VIPR2: variants seen among roughly 807,000 people sequenced by gnomAD.
The protein encoded by VIPR2 is vasoactive intestinal peptide receptor 2.
VIPR2 carries 48 observed loss-of-function variants against 58.0 expected under a neutral mutation model. The observed-to-expected ratio is 0.83, with a 90% CI of 0.66 to 1.05. The LOEUF is 1.05. Among genes scored for constraint, VIPR2 ranks in the 50% least tolerant of loss-of-function variants. VIPR2 has a pLI of 0.00. For synonymous variants in VIPR2, 243 were observed against 235.2 expected (o/e 1.03, Z -0.30); for missense variants, 534 against 558.0 (o/e 0.96, Z 0.43).
rs182036082 is a variant in VIPR2, at chr7:159,092,529, G to A, written c.357+11228C>T. Reference sequence around the variant, plus strand: ...TTCCCATTTTAAACTGAAGAGTCTTGACTCATTCCAAATTGTACAGCCTCT... The same window carrying A: ...TTCCCATTTTAAACTGAAGAGTCTTAACTCATTCCAAATTGTACAGCCTCT... On this transcript the variant is annotated intron_variant, in intron 4 of 12. Transcript: ENST00000262178. 7.2e-5 allele frequency among the ~76,000 whole-genome samples: 11 copies of A among 152,162 alleles called. No individual in the cohort carries two copies. In the East Asian group the frequency reaches 1.9e-3, roughly 27 times the overall value.
At chr7:159,051,966 A>C (rs1855035782) in intron 5 of VIPR2, among the ~76,000 whole-genome samples, 2 of 152,234 alleles carry the variant, frequency 1.3e-5, no homozygotes, top group Admixed American at 6.5e-5. Context: ...CAGTTAAAAC[A>C]ATCAGTAAAG....
chr7:159,144,826 C>A lies in VIPR2; in HGVS notation c.-55G>T. On this transcript the variant is annotated 5_prime_UTR_variant, in exon 1 of 13. An upstream open reading frame in the 5' UTR gains an earlier in-frame stop. Coordinates refer to ENST00000262178, the MANE Select transcript of VIPR2 (RefSeq NM_003382.5). ...GCGCCCGCCGCCTCCGTCCTAGGTC[C>A]CCGCGGTTCCGCCGCCTCCAGCATG... 2.4e-6 allele frequency: 3 copies of A among 1,229,098 alleles called. No individual in the cohort carries two copies. The highest frequency in any genetic ancestry group is 3.0e-6 in the Non-Finnish European group (3 of 985,686). 76.1% of individuals were successfully genotyped at this position (1,229,098 alleles called of 1,614,324 possible).
At chr7:159,030,899 T>C in intron 12 of VIPR2, 110 bp from the exon 13 acceptor site, 2 of 1,340,836 alleles carry the variant, frequency 1.5e-6, no homozygotes, top group Non-Finnish European at 2.0e-6. Context: ...TGCTCCCGTA[T>C]CTGTGTTGCC....
At chr7:159,050,354 C>CAAAAAAAAAA (rs11302236) in intron 5 of VIPR2, among the ~76,000 whole-genome samples, 4 of 139,154 alleles carry the variant, frequency 2.9e-5, no homozygotes, top group African/African-American at 5.4e-5. Context: ...CACAAAAAAA[C>CAAAAAAAAAA]AAAAAAAAAA....
In VIPR2 at chr7:159,141,049, G is replaced by T. The variant is rs538020406; in HGVS notation, c.151+1397C>A. On this transcript the variant is annotated intron_variant, in intron 2 of 12. Transcript: ENST00000262178. ...AAGCTGGACAATTTGGAACTTGGAG[G>T]TGAGGAGGGCAACCCTAAAAGCCTG... is the stretch of plus-strand genomic sequence containing the variant. Among the ~76,000 whole-genome samples the T allele has an allele frequency of 1.1e-4, 17 of 152,272 alleles. No individual in the cohort carries two copies. In the South Asian group the frequency reaches 3.5e-3, roughly 32 times the overall value.
chr7:159,114,198 C>T (rs1403929071), intron 2 of VIPR2, among the ~76,000 whole-genome samples: 2 of 151,520 alleles, frequency 1.3e-5, no homozygotes, highest in Non-Finnish European at 2.9e-5. Flanking sequence ...CACAGTGAAC[C>T]CTTTGGGAGA....
intron 2 of VIPR2, among the ~76,000 whole-genome samples, chr7:159,115,894 G>A (rs897908239): frequency 2.0e-5 from 3 of 152,356 alleles, no homozygotes; most frequent in Non-Finnish European, 4.4e-5. Context: ...CTGGGGCCAC[G>A]TGCTTCCTTT....
intron 1 of VIPR2, among the ~76,000 whole-genome samples, chr7:159,144,027 G>A (rs571970378): frequency 1.3e-5 from 2 of 152,334 alleles, no homozygotes; most frequent in Admixed American, 1.3e-4. Context: ...ACCTGCCTCG[G>A]CTGCGACGCG....
chr7:159,036,636 G>T, intron 7 of VIPR2, 116 bp downstream of exon 7: 1 of 1,298,320 alleles, frequency 7.7e-7, no homozygotes, highest in South Asian at 1.5e-5. Flanking sequence ...TTCATGATAT[G>T]ACCCTGACAT....
intron 4 of VIPR2, among the ~76,000 whole-genome samples, chr7:159,062,711 A>C (rs1238944148): frequency 6.6e-6 from 1 of 152,084 alleles, no homozygotes; most frequent in Non-Finnish European, 1.5e-5. Context: ...AGGGCAAAAG[A>C]ACACGACTGC....
At chr7:159,120,201 G>GA (rs1796404813) in intron 2 of VIPR2, among the ~76,000 whole-genome samples, 1 of 152,298 alleles carries the variant, frequency 6.6e-6, no homozygotes, top group African/African-American at 2.4e-5. Flanking sequence ...CTCTGAATGG[G>GA]AAAAAAATTT....
In VIPR2 at chr7:159,030,153, G is replaced by C. The variant is rs1853447982; in HGVS notation, c.*463C>G. ...GAGGTCAGGAGATCGAGACCATCCT[G>C]GCTAACATGGTGAAACCCTGTCTCT... On this transcript the variant is annotated 3_prime_UTR_variant, in exon 13 of 13. Coordinates refer to ENST00000262178, the MANE Select transcript of VIPR2 (RefSeq NM_003382.5). 1 of 154,866 alleles carries C rather than the reference G, an allele frequency of 6.5e-6. No homozygotes were observed. The highest frequency in any genetic ancestry group is 6.5e-5 in the Admixed American group (1 of 15,336). The allele number at this position is 154,866 out of a possible 1,614,324, so 9.6% of individuals were successfully genotyped here.
chr7:159,031,622 G>A lies in VIPR2; in HGVS notation c.1143+206C>T, dbSNP rs1853591259. On this transcript the variant is annotated intron_variant, in intron 12 of 12. Coordinates refer to ENST00000262178, the MANE Select transcript of VIPR2 (RefSeq NM_003382.5). The surrounding 1 kb of genome is among the most constrained non-coding windows in gnomAD (Gnocchi z 4.0). ...TGCTACTTAGGGTGGACGGAAGGAC[G>A]GCGGGGTTTGGAAGCTGGGCCCAGA... 1 of 985,430 alleles carries A rather than the reference G, an allele frequency of 1.0e-6. No homozygotes were observed. The highest frequency in any genetic ancestry group is 4.7e-5 in the South Asian group (1 of 21,274). The allele number at this position is 985,430 out of a possible 1,614,324, so 61.0% of individuals were successfully genotyped here.
At chr7:159,032,339 T>C (rs1430403970) in intron 10 of VIPR2, among the ~76,000 whole-genome samples, 1 of 152,232 alleles carries the variant, frequency 6.6e-6, no homozygotes, top group Non-Finnish European at 1.5e-5. Context: ...CGCTGTGTCC[T>C]GGGGTTCATG....
At chr7:159,042,476 G>A (rs1854411174) in intron 6 of VIPR2, among the ~76,000 whole-genome samples, 2 of 152,198 alleles carry the variant, frequency 1.3e-5, no homozygotes, top group African/African-American at 2.4e-5. Context: ...CGTGGGTGGA[G>A]TCAAACACCC....
At chr7:159,102,822 C>T (rs116206273) in intron 4 of VIPR2, among the ~76,000 whole-genome samples, 2,775 of 152,174 alleles carry the variant, frequency 0.018, 78 homozygotes, top group African/African-American at 0.063. Context: ...GTGGGGAGCG[C>T]GATACTTCCC....
Position 159,094,755 on chromosome 7 carries a change from G to A in VIPR2, c.357+9002C>T, listed in dbSNP as rs6955752. ...TGCCACACACCTTATTTTAAGCCAC[G>A]TGTTTCCTTTATGGTATGTCCAAGT... is the stretch of plus-strand genomic sequence containing the variant. On this transcript the variant is annotated intron_variant, in intron 4 of 12. Transcript: ENST00000262178. Among the ~76,000 whole-genome samples the A allele has an allele frequency of 3.7e-3, 566 of 152,294 alleles. 2 individuals carry two copies. The highest frequency in any genetic ancestry group is 0.013 in the African/African-American group (527 of 41,564).
At position 159,031,689 on chromosome 7, in the gene VIPR2, A is replaced by G; in HGVS notation, c.1143+139T>C. 2.0e-6 allele frequency: 3 copies of G among 1,525,462 alleles called. No individual in the cohort carries two copies. The highest frequency in any genetic ancestry group is 2.6e-6 in the Non-Finnish European group (3 of 1,142,218). 94.5% of individuals were successfully genotyped at this position (1,525,462 alleles called of 1,614,324 possible). On this transcript the variant is annotated intron_variant, in intron 12 of 12. Coordinates refer to ENST00000262178, the MANE Select transcript of VIPR2 (RefSeq NM_003382.5). The surrounding 1 kb of genome is among the most constrained non-coding windows in gnomAD (Gnocchi z 4.0). Reference sequence around the variant, plus strand: ...TGTCGTTGTGGGTTCTCTGATGGGGACACAGAACTGTGGGGTCCCGGGCAG... The same window carrying G: ...TGTCGTTGTGGGTTCTCTGATGGGGGCACAGAACTGTGGGGTCCCGGGCAG...
At chr7:159,118,081 C>T (rs1320337336) in intron 2 of VIPR2, among the ~76,000 whole-genome samples, 4 of 152,178 alleles carry the variant, frequency 2.6e-5, no homozygotes, top group Admixed American at 1.3e-4. Context: ...GGGGGCGTCC[C>T]AGTCATCGAA....
Sources: allele counts gnomAD v4.1 joint callset (sites outside exome capture counted in the v4.1 genomes callset), GRCh38; gene constraint gnomAD v4.1.1; non-coding constraint Gnocchi (gnomAD v3.1); transcripts MANE v1.5; gene names NCBI Gene and HGNC (gene_info 2026-07-23, HGNC 2026-07-21).